ADAM28: variants seen among roughly 807,000 people sequenced by gnomAD.
ADAM28 encodes the protein disintegrin and metalloproteinase domain-containing protein 28.
A neutral mutation model predicts 101.2 loss-of-function variants in ADAM28; 105 were observed. The observed-to-expected ratio is 1.04, with a 90% CI of 0.89 to 1.22. ADAM28 has a LOEUF of 1.22. Ranked by LOEUF, ADAM28 falls within the 50% of genes most tolerant of loss-of-function variation. The pLI is 0.00. For synonymous variants in ADAM28, 322 were observed against 310.6 expected, an observed-to-expected ratio of 1.04 and a Z score of -0.39; for missense variants, 1,028 against 945.4, an observed-to-expected ratio of 1.09 and a Z score of -1.15.
intron 10 of ADAM28, 104 bp from the exon 11 acceptor site, chr8:24,329,880 TG>T: frequency 1.1e-6 from 1 of 950,238 alleles, no homozygotes. Context: ...TGTGTGTGTG[TG>T]TGTGTGAGAG....
intron 1 of ADAM28, among the ~76,000 whole-genome samples, chr8:24,299,348 T>G (rs1344574780): frequency 6.6e-6 from 1 of 152,218 alleles, no homozygotes; most frequent in Non-Finnish European, 1.5e-5. Flanking sequence ...AATTATCTGC[T>G]TCTCTAATTT....
intron 8 of ADAM28, among the ~76,000 whole-genome samples, chr8:24,323,078 G>T (rs1812091842): frequency 6.6e-6 from 1 of 151,900 alleles, no homozygotes; most frequent in African/African-American, 2.4e-5. Context: ...AGTTCTGGGG[G>T]CTTGGAAGTC....
intron 12 of ADAM28, among the ~76,000 whole-genome samples, chr8:24,332,388 T>G (rs979395331): frequency 6.6e-6 from 1 of 152,116 alleles, no homozygotes; most frequent in Non-Finnish European, 1.5e-5. Context: ...TTTCTTCATA[T>G]TTTACCAAAA....
intron 10 of ADAM28, among the ~76,000 whole-genome samples, chr8:24,327,947 A>T (rs1315674789): frequency 6.6e-6 from 1 of 152,090 alleles, no homozygotes; most frequent in Non-Finnish European, 1.5e-5. Context: ...TGTTTTAGAT[A>T]TCCATCTTTC....
intron 16 of ADAM28, 76 bp from the exon 17 acceptor site, chr8:24,343,025 C>T: frequency 6.2e-7 from 1 of 1,601,046 alleles, no homozygotes; most frequent in Non-Finnish European, 8.5e-7. Flanking sequence ...CATCTGCTAG[C>T]CTCTTCACAC....
intron 13 of ADAM28, among the ~76,000 whole-genome samples, chr8:24,333,241 A>G (rs992370005): frequency 1.3e-5 from 2 of 152,146 alleles, no homozygotes; most frequent in African/African-American, 4.8e-5. Flanking sequence ...TAAAGATCTA[A>G]TGTACAACAT....
At chr8:24,334,719 G>A (rs758473738) in intron 13 of ADAM28, among the ~76,000 whole-genome samples, 4 of 152,040 alleles carry the variant, frequency 2.6e-5, no homozygotes, top group African/African-American at 7.2e-5. Context: ...GTTATTTGAC[G>A]CATTGAAAAC....
At chr8:24,351,559 C>G (rs1019480486) in intron 20 of ADAM28, 9 of 551,084 alleles carry the variant, frequency 1.6e-5, no homozygotes, top group African/African-American at 5.7e-5. Context: ...CTGTCTGTCT[C>G]TCTCTTTGTC....
At chr8:24,295,481 C>T (rs1807837875) in intron 1 of ADAM28, among the ~76,000 whole-genome samples, 1 of 152,032 alleles carries the variant, frequency 6.6e-6, no homozygotes, top group Non-Finnish European at 1.5e-5. Context: ...TTTTTTCTCT[C>T]CGTTCTCCAA....
In ADAM28 at chr8:24,323,844, AG is replaced by A. The variant is rs758365403; in HGVS notation, c.732del (p.Lys244AsnfsTer8). The A allele has an allele frequency of 6.2e-7, 1 of 1,606,038 alleles. No individual in the cohort carries two copies. Among genetic ancestry groups the A allele is most frequent in the South Asian group, 1.1e-5 (1 of 89,852 alleles). ...MANYVNMLYK[K>X]LNTHVALVGM... ...ATTTTCTTTGGACAGCTTTATAAAA[AG>A]CTCAATACTCATGTGGCCTTAGTTG... On this transcript the variant is annotated frameshift_variant, in exon 9 of 23. Coordinates refer to ENST00000265769, the MANE Select transcript of ADAM28 (RefSeq NM_014265.6). LOFTEE classifies it high-confidence loss of function.
intron 2 of ADAM28, among the ~76,000 whole-genome samples, chr8:24,300,658 C>T (rs555365634): frequency 1.1e-4 from 16 of 152,154 alleles, no homozygotes; most frequent in East Asian, 1.9e-4. Context: ...CCTTGTGATC[C>T]GCCCGCCTCG....
At chr8:24,350,320 CT>C (rs202136002) in intron 19 of ADAM28, among the ~76,000 whole-genome samples, 3 of 151,742 alleles carry the variant, frequency 2.0e-5, no homozygotes, top group South Asian at 4.2e-4. Context: ...GCCCCACCCA[CT>C]TTTTTTTGAG....
rs1295599490 is a variant in ADAM28 at position 24,328,442 on chromosome 8, A to G, written c.973-1543A>G. 1.1e-4 allele frequency among the ~76,000 whole-genome samples: 16 copies of G among 151,956 alleles called. 1 individual carries two copies. Among genetic ancestry groups the G allele is most frequent in the Admixed American group, 9.2e-4 (14 of 15,220 alleles). ...TATCTTTTGAGTCTGGGTTTGTGAT[A>G]GGCTTCATGGATGTACAGAAGAAGT... On this transcript the variant is annotated intron_variant, in intron 10 of 22. Transcript: ENST00000265769.
In ADAM28 at chr8:24,357,853, A is replaced by G. The variant is rs894063075; in HGVS notation, c.*3449A>G. ...TTGCTTGAAATCTCTGATAGCCAGT[A>G]TTCTCATTTATCATATTCTTTCTCA... On this transcript the variant is annotated 3_prime_UTR_variant, in exon 23 of 23. Transcript: ENST00000265769. The G allele has an allele frequency of 6.6e-6, 1 of 152,068 alleles. No individual in the cohort carries two copies. The highest frequency in any genetic ancestry group is 1.5e-5 in the Non-Finnish European group (1 of 68,026). 9.4% of individuals were successfully genotyped at this position (152,068 alleles called of 1,614,324 possible).
At chr8:24,351,372 T>C in intron 20 of ADAM28, 62 bp downstream of exon 20, 1 of 1,445,132 alleles carries the variant, frequency 6.9e-7, no homozygotes, top group Non-Finnish European at 9.7e-7. Context: ...CTCACACTCT[T>C]ATCCTGACTA....
intron 15 of ADAM28, among the ~76,000 whole-genome samples, chr8:24,340,300 CTGAA>C (rs1814609627): frequency 6.6e-6 from 1 of 152,254 alleles, no homozygotes; most frequent in Middle Eastern, 3.4e-3. Context: ...ACGAATTTCT[CTGAA>C]TGACAGGTAT....
At chr8:24,309,794 T>TA (rs1810202084) in intron 2 of ADAM28, 100 bp from the exon 3 acceptor site, 3 of 908,396 alleles carry the variant, frequency 3.3e-6, no homozygotes, top group East Asian at 2.5e-5. Flanking sequence ...ATTATACTGC[T>TA]AAAAAATAGA....
chr8:24,331,157 A>G lies in ADAM28; in HGVS notation c.1111A>G (p.Ile371Val), dbSNP rs915631039. 1 of 1,610,382 alleles carries G rather than the reference A, an allele frequency of 6.2e-7. No individual in the cohort carries two copies. The highest frequency in any genetic ancestry group is 2.2e-5 in the East Asian group (1 of 44,824). Reference protein sequence around the residue: ...CVMDKALSFYIPTDFSSCSRL... With the variant: ...CVMDKALSFYVPTDFSSCSRL... ...CTTTCCTTATCTTCACAGCTTCTATATACCCACAGACTTCAGTTCCTGCAG... is the reference window on the plus strand; with the variant it reads ...CTTTCCTTATCTTCACAGCTTCTATGTACCCACAGACTTCAGTTCCTGCAG... Residue 371 changes from isoleucine to valine, a missense_variant, in exon 12 of 23, where the codon ATA (isoleucine) becomes GTA (valine). Coordinates refer to ENST00000265769, the MANE Select transcript of ADAM28 (RefSeq NM_014265.6).
At chr8:24,322,420 G>A (rs905837847) in intron 8 of ADAM28, among the ~76,000 whole-genome samples, 2 of 151,914 alleles carry the variant, frequency 1.3e-5, no homozygotes, top group African/African-American at 4.8e-5. Context: ...TGTGAAAGTC[G>A]GATTCAAAGG....
Sources: gnomAD v4.1 joint callset for allele counts (sites outside exome capture counted in the v4.1 genomes callset) on GRCh38, gnomAD v4.1.1 for gene constraint, MANE v1.5 for transcripts, NCBI Gene and HGNC (gene_info 2026-07-23, HGNC 2026-07-21) for gene names.